ADGRL2: variants seen among roughly 807,000 people sequenced by gnomAD.
The protein encoded by ADGRL2 is calcium-independent alpha-latrotoxin receptor 2.
ADGRL2 carries 44 observed loss-of-function variants against 157.4 expected under a neutral mutation model. That is an observed-to-expected ratio of 0.28 (90% CI 0.22 to 0.36). The LOEUF is 0.36. ADGRL2 is among the 10% of genes least tolerant of loss of function. ADGRL2 has a pLI of 1.00. For synonymous variants in ADGRL2, 585 were observed against 624.7 expected, an observed-to-expected ratio of 0.94 and a Z score of 0.95; for missense variants, 1,510 against 1,768.9, an observed-to-expected ratio of 0.85 and a Z score of 2.63.
In ADGRL2 at chr1:81,725,183, C is replaced by T. The variant is rs563698729; in HGVS notation, c.-143+25375C>T. Among the ~76,000 whole-genome samples, 12 of 122,644 alleles carry T rather than the reference C, an allele frequency of 9.8e-5. No individual in the cohort carries two copies. In the South Asian group the frequency reaches 2.3e-3, roughly 24 times the overall value. The allele number at this position is 122,644 out of a possible 152,430, so 80.5% of individuals were successfully genotyped here. A position where few individuals can be genotyped will look rare whatever the true frequency, so the allele number is the denominator to read the frequency against. ...CTGTGCCACTGCACTCTAGTCTGGG[C>T]GAAAGGTGAGACCCCGTCTCAAAAA... On this transcript the variant is annotated intron_variant, in intron 1 of 20. Coordinates refer to the ADGRL2 transcript ENST00000359929.
intron 2 of ADGRL2, among the ~76,000 whole-genome samples, chr1:81,515,920 T>C (rs182232054): frequency 7.0e-4 from 107 of 152,328 alleles, no homozygotes; most frequent in African/African-American, 2.6e-3. Context: ...GTTCATTGTT[T>C]GAGTGAAATA....
chr1:81,896,907 G>A (rs564702547), intron 2 of ADGRL2, among the ~76,000 whole-genome samples: 6 of 152,220 alleles, frequency 3.9e-5, no homozygotes, highest in East Asian at 3.9e-4. Context: ...AAAGAACACC[G>A]TAAATTGGTC....
chr1:81,836,972 A>G lies in ADGRL2; in HGVS notation c.-13A>G, dbSNP rs2092315880. ...ATTAAGGAATACAAAGAAAATACTT[A>G]AAGGGATCAATAATGGTGTCTTCTG... On this transcript the variant is annotated 5_prime_UTR_variant, in exon 2 of 24. Coordinates refer to ENST00000686636, the MANE Select transcript of ADGRL2 (RefSeq NM_001366006.2). 1.3e-6 allele frequency: 2 copies of G among 1,548,532 alleles called. No individual in the cohort carries two copies. Among genetic ancestry groups the G allele is most frequent in the African/African-American group, 1.4e-5 (1 of 71,974 alleles).
Position 81,780,206 on chromosome 1 carries a change from T to C in ADGRL2, c.-101+18354T>C, listed in dbSNP as rs370680793. ...CTATATACCTGCCTTCCAATCAGCTTGATTGAATTATAATTAAAATAAATT... is the reference window on the plus strand; with the variant it reads ...CTATATACCTGCCTTCCAATCAGCTCGATTGAATTATAATTAAAATAAATT... On this transcript the variant is annotated intron_variant, in intron 2 of 20. Coordinates refer to the ADGRL2 transcript ENST00000359929. Among the ~76,000 whole-genome samples, 4 of 152,186 alleles carry C rather than the reference T, an allele frequency of 2.6e-5. No individual in the cohort carries two copies. In the East Asian group the frequency reaches 7.7e-4, roughly 29 times the overall value.
intron 2 of ADGRL2, among the ~76,000 whole-genome samples, chr1:81,838,810 C>G (rs1352922839): frequency 1.3e-5 from 2 of 152,008 alleles, no homozygotes; most frequent in Non-Finnish European, 2.9e-5. Context: ...TGTCATCTAT[C>G]AGGTCAGGAT....
At chr1:81,345,996 A>G (rs1033567624) in intron 1 of ADGRL2, among the ~76,000 whole-genome samples, 13 of 152,102 alleles carry the variant, frequency 8.5e-5, no homozygotes, top group Non-Finnish European at 1.0e-4. Flanking sequence ...CTCACATTTG[A>G]TTTTCTATGG....
chr1:81,640,506 C>A (rs562063191), intron 3 of ADGRL2, among the ~76,000 whole-genome samples: 1 of 151,988 alleles, frequency 6.6e-6, no homozygotes, highest in African/African-American at 2.4e-5. Context: ...GTGGCGGGTG[C>A]CTGTAGTCCC....
At chr1:81,533,012 C>A (rs1396035153) in intron 2 of ADGRL2, among the ~76,000 whole-genome samples, 1 of 151,928 alleles carries the variant, frequency 6.6e-6, no homozygotes, top group East Asian at 1.9e-4. Context: ...AATAAATGAA[C>A]ATACTTCTGT....
At chr1:81,384,615 T>C (rs1018990031) in intron 1 of ADGRL2, among the ~76,000 whole-genome samples, 10 of 152,230 alleles carry the variant, frequency 6.6e-5, no homozygotes, top group Admixed American at 2.0e-4. Flanking sequence ...AAAATCAGAA[T>C]GTACTATTTC....
At chr1:81,454,232 G>A (rs980815740) in intron 2 of ADGRL2, among the ~76,000 whole-genome samples, 2 of 148,776 alleles carry the variant, frequency 1.3e-5, no homozygotes, top group Non-Finnish European at 3.0e-5. Context: ...GATTAGGCTT[G>A]TGACTTAATC....
upstream of ADGRL2, among the ~76,000 whole-genome samples, chr1:81,699,097 A>G (rs547623133): frequency 4.6e-5 from 7 of 152,370 alleles, no homozygotes; most frequent in South Asian, 1.4e-3. Flanking sequence ...CATACAACAT[A>G]CACAGCGATA....
At chr1:81,529,980 T>C (rs2079559666) in intron 2 of ADGRL2, among the ~76,000 whole-genome samples, 1 of 152,220 alleles carries the variant, frequency 6.6e-6, no homozygotes, top group Admixed American at 6.5e-5. Flanking sequence ...AGAGAAACTG[T>C]ATACGCAATA....
chr1:81,355,295 G>C (rs536305652), intron 1 of ADGRL2, among the ~76,000 whole-genome samples: 5 of 152,124 alleles, frequency 3.3e-5, no homozygotes, highest in South Asian at 2.1e-4. Context: ...GGAGATGGAG[G>C]CTGCCGTGAG....
At chr1:81,348,080 G>T (rs1229010474) in intron 1 of ADGRL2, among the ~76,000 whole-genome samples, 1 of 152,142 alleles carries the variant, frequency 6.6e-6, no homozygotes, top group Admixed American at 6.5e-5. Flanking sequence ...CAGAGGCCAA[G>T]TGAGTAGGGC....
chr1:81,784,052 G>T (rs1188325614), intron 2 of ADGRL2, among the ~76,000 whole-genome samples: 1 of 152,150 alleles, frequency 6.6e-6, no homozygotes, highest in African/African-American at 2.4e-5. Context: ...TGAAAATGAT[G>T]AAGCTGAGAT....
intron 1 of ADGRL2, among the ~76,000 whole-genome samples, chr1:81,342,127 T>C (rs1012730814): frequency 2.0e-5 from 3 of 152,092 alleles, no homozygotes; most frequent in Non-Finnish European, 4.4e-5. Flanking sequence ...AGAATTATAA[T>C]ACAACAAGCA....
chr1:81,559,591 T>C (rs2080394474), intron 2 of ADGRL2, among the ~76,000 whole-genome samples: 1 of 152,208 alleles, frequency 6.6e-6, no homozygotes. Flanking sequence ...CTTTAGTGTC[T>C]TATTATTATT....
intron 3 of ADGRL2, among the ~76,000 whole-genome samples, chr1:81,649,848 G>C (rs1341317825): frequency 4.6e-5 from 7 of 152,206 alleles, no homozygotes; most frequent in African/African-American, 1.7e-4. Flanking sequence ...CCGTCAGAAG[G>C]CTCACAACTA....
intron 3 of ADGRL2, among the ~76,000 whole-genome samples, chr1:81,655,816 TA>T (rs2082521948): frequency 7.7e-5 from 7 of 90,584 alleles, no homozygotes; most frequent in Admixed American, 2.1e-4. Flanking sequence ...GTATGGCTCT[TA>T]TGTGTGTGTG....
Sources: gnomAD v4.1 joint callset for allele counts (sites outside exome capture counted in the v4.1 genomes callset) on GRCh38, gnomAD v4.1.1 for gene constraint, MANE v1.5 for transcripts, NCBI Gene and HGNC (gene_info 2026-07-23, HGNC 2026-07-21) for gene names.